Variants in ZC3H12B observed in about 807,000 individuals in gnomAD.
The protein encoded by ZC3H12B is probable ribonuclease ZC3H12B.
Under a neutral mutation model 43.9 loss-of-function variants are expected in ZC3H12B, and 7 were observed. The ratio of observed to expected loss-of-function variants is 0.16; its 90% CI spans 0.09 to 0.30. ZC3H12B has a LOEUF of 0.30. ZC3H12B is among the 10% of genes least tolerant of loss of function. The pLI, the probability that ZC3H12B is intolerant of heterozygous loss-of-function variation, is 1.00. For synonymous variants in ZC3H12B, 222 were observed against 241.7 expected (o/e 0.92, Z 0.76); for missense variants, 475 against 670.2 (o/e 0.71, Z 3.22).
chrX:65,436,937 TTTA>T (rs967461391), intron 3 of ZC3H12B, among the ~76,000 whole-genome samples: 2 of 110,304 alleles, frequency 1.8e-5, no homozygotes, highest in African/African-American at 3.3e-5. Context: ...TCTTATTCAT[TTTA>T]TTATTATTAT....
chrX:65,159,079 T>A, the ZC3H12B span, among the ~76,000 whole-genome samples: 1 of 111,770 alleles, frequency 8.9e-6, no homozygotes, highest in African/African-American at 3.3e-5. Context: ...GCTCAAATGG[T>A]TGTAGATATG....
At chrX:65,216,302 A>C in the ZC3H12B span, among the ~76,000 whole-genome samples, 1 of 110,990 alleles carries the variant, frequency 9.0e-6, no homozygotes, top group South Asian at 3.8e-4. Flanking sequence ...GAGAGAGTAT[A>C]TGTGTGCTTG....
At chrX:65,066,035 G>T in the ZC3H12B span, among the ~76,000 whole-genome samples, 3 of 108,271 alleles carry the variant, frequency 2.8e-5, no homozygotes, top group East Asian at 5.9e-4. Context: ...CTAGTTAGCA[G>T]CTCCTGTAAC....
chrX:65,190,390 G>T, the ZC3H12B span, among the ~76,000 whole-genome samples: 2 of 111,219 alleles, frequency 1.8e-5, no homozygotes, highest in African/African-American at 3.3e-5. Context: ...ACCTTGGGCA[G>T]TATGGCCATT....
At chrX:65,465,990 T>A (rs1444435585) in intron 3 of ZC3H12B, among the ~76,000 whole-genome samples, 4 of 110,632 alleles carry the variant, frequency 3.6e-5, no homozygotes, top group African/African-American at 1.3e-4. Flanking sequence ...CACATAGTTA[T>A]CATTTTTATA....
chrX:65,408,038 A>G, intron 3 of ZC3H12B: 1 of 1,144,328 alleles, frequency 8.7e-7, no homozygotes. Flanking sequence ...AATTGACCGG[A>G]GAATTGAGTT....
the ZC3H12B span, among the ~76,000 whole-genome samples, chrX:65,125,460 G>A: frequency 3.6e-5 from 4 of 111,183 alleles, no homozygotes; most frequent in South Asian, 1.5e-3. Context: ...TGTATATTTG[G>A]GTAGAATGTT....
intron 3 of ZC3H12B, among the ~76,000 whole-genome samples, chrX:65,470,788 A>C (rs1158667648): frequency 8.9e-6 from 1 of 112,052 alleles, no homozygotes; most frequent in Non-Finnish European, 1.9e-5. Flanking sequence ...TTTTTAACCC[A>C]AAAATCATTC....
chrX:65,152,781 C>T, the ZC3H12B span, among the ~76,000 whole-genome samples: 1 of 111,822 alleles, frequency 8.9e-6, no homozygotes, highest in South Asian at 3.7e-4. Flanking sequence ...CCAAGTCAAT[C>T]CTAAGCCAAA....
At chrX:65,245,979 G>T in the ZC3H12B span, among the ~76,000 whole-genome samples, 16 of 111,150 alleles carry the variant, frequency 1.4e-4, no homozygotes, top group Non-Finnish European at 7.5e-5. Flanking sequence ...AACTATCCCT[G>T]TTTGCAGGAG....
At chrX:65,182,111 A>T in the ZC3H12B span, among the ~76,000 whole-genome samples, 1 of 111,485 alleles carries the variant, frequency 9.0e-6, no homozygotes, top group African/African-American at 3.3e-5. Flanking sequence ...CTGGACATGG[A>T]TGAAGCTGGA....
chrX:65,412,070 C>T (rs976543862), intron 3 of ZC3H12B, among the ~76,000 whole-genome samples: 6 of 111,030 alleles, frequency 5.4e-5, no homozygotes, highest in Admixed American at 9.5e-5. Context: ...TGTTGTGCAA[C>T]CATTTCTATT....
chrX:65,433,382 G>A (rs2067185775), intron 3 of ZC3H12B, among the ~76,000 whole-genome samples: 1 of 111,712 alleles, frequency 9.0e-6, no homozygotes, highest in Admixed American at 9.5e-5. Flanking sequence ...GGTAGAGGCA[G>A]GTCTAATGGC....
chrX:65,284,745 G>C, the ZC3H12B span, among the ~76,000 whole-genome samples: 2 of 109,620 alleles, frequency 1.8e-5, no homozygotes, highest in Non-Finnish European at 3.8e-5. Context: ...TAAACAAAAA[G>C]AGTGAAACTC....
chrX:65,476,946 C>T (rs950368476), intron 3 of ZC3H12B, among the ~76,000 whole-genome samples: 2 of 108,299 alleles, frequency 1.8e-5, no homozygotes, highest in South Asian at 4.2e-4. Flanking sequence ...CTAAGCCTCC[C>T]GAGTAGCTGG....
the ZC3H12B span, among the ~76,000 whole-genome samples, chrX:65,339,846 TC>T: frequency 8.9e-6 from 1 of 111,808 alleles, no homozygotes; most frequent in Non-Finnish European, 1.9e-5. Flanking sequence ...CACTACAGCT[TC>T]CCCCAGGCCC....
intron 2 of ZC3H12B, among the ~76,000 whole-genome samples, chrX:65,382,868 A>G (rs1195078944): frequency 3.6e-5 from 4 of 111,440 alleles, no homozygotes; most frequent in Non-Finnish European, 7.5e-5. Flanking sequence ...TTCCAAGAGA[A>G]TAAAATACCT....
At chrX:65,432,705 A>G (rs1007426679) in intron 3 of ZC3H12B, among the ~76,000 whole-genome samples, 7 of 112,352 alleles carry the variant, frequency 6.2e-5, no homozygotes, top group Non-Finnish European at 1.1e-4. Flanking sequence ...AATGGGCCAG[A>G]TGCAACAATG....
the ZC3H12B span, among the ~76,000 whole-genome samples, chrX:65,188,041 A>G: frequency 6.8e-4 from 76 of 111,543 alleles, no homozygotes; most frequent in Non-Finnish European, 1.4e-3. Flanking sequence ...ACTCAGTAAT[A>G]TGTGAGAACA....
Sources: gnomAD v4.1 joint callset for allele counts (sites outside exome capture counted in the v4.1 genomes callset) on GRCh38, gnomAD v4.1.1 for gene constraint, MANE v1.5 for transcripts, NCBI Gene and HGNC (gene_info 2026-07-23, HGNC 2026-07-21) for gene names.